Variants in TENM3 observed in about 807,000 individuals in gnomAD.
TENM3 encodes teneurin transmembrane protein 3, also known as teneurin-3.
TENM3 carries 63 observed loss-of-function variants against 255.1 expected under a neutral mutation model. That is an observed-to-expected ratio of 0.25 (90% CI 0.20 to 0.30). The LOEUF (loss-of-function observed/expected upper bound fraction) is 0.30, where lower values mean the gene tolerates loss of function less well. TENM3 is among the 10% of genes least tolerant of loss of function. The pLI is 1.00. For synonymous variants in TENM3, 1,306 were observed against 1,322.3 expected, an observed-to-expected ratio of 0.99 and a Z score of 0.27; for missense variants, 2,929 against 3,461.1, an observed-to-expected ratio of 0.85 and a Z score of 3.86.
At chr4:182,172,143 A>G (rs1752152572) in intron 1 of TENM3, among the ~76,000 whole-genome samples, 2 of 152,114 alleles carry the variant, frequency 1.3e-5, no homozygotes, top group Admixed American at 6.5e-5. Context: ...CGTGTTGTAC[A>G]TGGGTTTTCC....
intron 5 of TENM3, among the ~76,000 whole-genome samples, chr4:182,650,483 C>A (rs573538334): frequency 6.7e-6 from 1 of 150,116 alleles, no homozygotes; most frequent in Admixed American, 6.7e-5. Context: ...TTTTATTTGG[C>A]GAATTTTCCC....
chr4:182,063,633 G>A, the TENM3 span, among the ~76,000 whole-genome samples: 1 of 152,056 alleles, frequency 6.6e-6, no homozygotes, highest in African/African-American at 2.4e-5. Flanking sequence ...TTTTTCCCCT[G>A]GCAGGTAATC....
chr4:182,021,708 G>T, the TENM3 span, among the ~76,000 whole-genome samples: 1 of 136,068 alleles, frequency 7.3e-6, no homozygotes, highest in Non-Finnish European at 1.6e-5. Context: ...TCTAGAAATT[G>T]GTGGTGCCCA....
the TENM3 span, among the ~76,000 whole-genome samples, chr4:182,073,956 A>G: frequency 6.6e-6 from 1 of 152,186 alleles, no homozygotes; most frequent in Non-Finnish European, 1.5e-5. Context: ...GGCAGGAAGA[A>G]GTTAAGTTTG....
intron 5 of TENM3, among the ~76,000 whole-genome samples, chr4:182,642,132 A>G (rs1200014273): frequency 2.0e-5 from 3 of 152,218 alleles, no homozygotes; most frequent in Admixed American, 2.0e-4. Flanking sequence ...TCTCTAGCTT[A>G]TAGGTAATGG....
intron 1 of TENM3, among the ~76,000 whole-genome samples, chr4:182,278,422 G>A (rs1760152515): frequency 6.6e-6 from 1 of 152,002 alleles, no homozygotes; most frequent in African/African-American, 2.4e-5. Flanking sequence ...GGGTGAGCTG[G>A]GCAGCTTAAC....
Position 182,709,387 on chromosome 4 carries a change from G to C in TENM3, c.2222-4700G>C, listed in dbSNP as rs140013619. 3.1e-3 allele frequency among the ~76,000 whole-genome samples: 476 copies of C among 152,236 alleles called. 3 individuals carry two copies. The highest frequency in any genetic ancestry group is 0.011 in the African/African-American group (450 of 41,540). On this transcript the variant is annotated intron_variant, in intron 12 of 27. Coordinates refer to ENST00000511685, the MANE Select transcript of TENM3 (RefSeq NM_001080477.4). ...ATTTCAACTTCTTAGTAGATTGAAG[G>C]AATGACTTTTCTCTAGTGTCAGAAC...
At chr4:181,540,677 T>A in the TENM3 span, among the ~76,000 whole-genome samples, 3 of 152,090 alleles carry the variant, frequency 2.0e-5, no homozygotes, top group Admixed American at 6.6e-5. Flanking sequence ...ATTAGCTGAA[T>A]CCCCATAGTG....
intron 3 of TENM3, among the ~76,000 whole-genome samples, chr4:182,452,535 G>A (rs1440528067): frequency 1.3e-5 from 2 of 152,146 alleles, no homozygotes; most frequent in African/African-American, 2.4e-5. Flanking sequence ...TGGGAGAGAG[G>A]AGCAGGCGGG....
At chr4:182,557,907 C>G (rs1265991818) in intron 3 of TENM3, among the ~76,000 whole-genome samples, 1 of 152,184 alleles carries the variant, frequency 6.6e-6, no homozygotes, top group East Asian at 1.9e-4. Context: ...ATAGAACTAT[C>G]AAAATGTCTA....
chr4:182,715,168 C>G (rs569520788), intron 13 of TENM3, among the ~76,000 whole-genome samples: 2 of 152,226 alleles, frequency 1.3e-5, no homozygotes, highest in Non-Finnish European at 2.9e-5. Context: ...CAGGCGTGAG[C>G]CACCGCACCC....
chr4:182,232,516 G>A (rs1360244817), intron 1 of TENM3, among the ~76,000 whole-genome samples: 1 of 152,160 alleles, frequency 6.6e-6, no homozygotes, highest in African/African-American at 2.4e-5. Flanking sequence ...ACAAGGTCAA[G>A]AGATGGAGAC....
At chr4:181,655,109 G>A in the TENM3 span, among the ~76,000 whole-genome samples, 2 of 152,182 alleles carry the variant, frequency 1.3e-5, no homozygotes, top group South Asian at 2.1e-4. Flanking sequence ...ATCATGGGAC[G>A]AGCTATTGCA....
intron 3 of TENM3, among the ~76,000 whole-genome samples, chr4:182,468,868 G>GTGTGTA (rs1732853305): frequency 7.4e-6 from 1 of 135,616 alleles, no homozygotes; most frequent in African/African-American, 2.7e-5. Context: ...GTGTGTGTGT[G>GTGTGTA]TGTATGTGCA....
At chr4:182,358,435 T>A (rs1431090965) in intron 3 of TENM3, among the ~76,000 whole-genome samples, 1 of 151,970 alleles carries the variant, frequency 6.6e-6, no homozygotes, top group Non-Finnish European at 1.5e-5. Context: ...GTCCTTCACA[T>A]CCCTTGTAAG....
At chr4:181,687,504 T>G in the TENM3 span, among the ~76,000 whole-genome samples, 10 of 152,296 alleles carry the variant, frequency 6.6e-5, no homozygotes, top group Non-Finnish European at 1.0e-4. Flanking sequence ...CTTTGAGAAT[T>G]CCTTTGACGA....
At chr4:182,107,602 A>T in the TENM3 span, among the ~76,000 whole-genome samples, 1 of 152,232 alleles carries the variant, frequency 6.6e-6, no homozygotes, top group Non-Finnish European at 1.5e-5. Context: ...CACAGAGCTC[A>T]TTAATCCAGT....
intron 3 of TENM3, among the ~76,000 whole-genome samples, chr4:182,571,079 C>A (rs947240041): frequency 3.9e-5 from 6 of 152,142 alleles, no homozygotes; most frequent in African/African-American, 1.4e-4. Context: ...AATCAAACAG[C>A]TGCAAACAAA....
chr4:181,522,646 T>C, the TENM3 span: 8 of 587,644 alleles, frequency 1.4e-5, no homozygotes, highest in African/African-American at 1.1e-4. Flanking sequence ...GTTGTAGCCA[T>C]AGTTTTCAGA....
Sources: allele counts gnomAD v4.1 joint callset (sites outside exome capture counted in the v4.1 genomes callset), GRCh38; gene constraint gnomAD v4.1.1; transcripts MANE v1.5; gene names NCBI Gene and HGNC (gene_info 2026-07-23, HGNC 2026-07-21).